The following ZP2 variants were observed in gnomAD, a reference collection of about 807,000 sequenced individuals.
The protein encoded by ZP2 is zona pellucida sperm-binding protein 2.
In ZP2, 51 loss-of-function variants were observed where a neutral mutation model predicts 84.0. The ratio of observed to expected loss-of-function variants is 0.61; its 90% CI spans 0.49 to 0.77. The LOEUF (loss-of-function observed/expected upper bound fraction) is 0.77, where lower values mean the gene tolerates loss of function less well. Ranked by LOEUF, ZP2 falls within the 30% of genes least tolerant of loss-of-function variation. The pLI is 0.00. For missense variants in ZP2, 909 were observed against 911.9 expected (o/e 1.00, Z 0.04); for synonymous variants, 375 against 330.9 (o/e 1.13, Z -1.45).
chr16:21,208,287 G>T (rs202178390), intron 4 of ZP2, among the ~76,000 whole-genome samples: 33 of 152,272 alleles, frequency 2.2e-4, no homozygotes, highest in Non-Finnish European at 3.4e-4. Context: ...AAGGGAATGC[G>T]ACTCCAAGAC....
At chr16:21,202,550 A>G (rs905503095) in intron 10 of ZP2, among the ~76,000 whole-genome samples, 1 of 152,192 alleles carries the variant, frequency 6.6e-6, no homozygotes, top group Non-Finnish European at 1.5e-5. Flanking sequence ...TATATGGTAT[A>G]AGACCAGTGA....
chr16:21,197,909 C>CCCCTGAGGGTGTG, intron 17 of ZP2, 60 bp from the exon 18 acceptor site: 1 of 1,535,662 alleles, frequency 6.5e-7, no homozygotes, highest in Non-Finnish European at 9.0e-7. Flanking sequence ...GGTTAGCTGT[C>CCCCTGAGGGTGTG]CCCTGAGGGT....
Position 21,201,494 on chromosome 16 carries a change from T to A in ZP2, c.1569A>T (p.Pro523=), listed in dbSNP as rs756084938. ...TTAGGACTCTCACTTCCATGTAAAT[T>A]GGTTGGCGGAGGAATCTCACTAGAG... ...EYPLVRFLRQ[P]IYMEVRVLNR... The change falls in exon 14 of 19, where the codon CCA becomes CCT. Residue 523 remains proline, a synonymous_variant. Coordinates refer to ENST00000574091, the MANE Select transcript of ZP2 (RefSeq NM_001376232.1). 2 of 1,613,704 alleles carry A rather than the reference T, an allele frequency of 1.2e-6. No individual in the cohort carries two copies. The highest frequency in any genetic ancestry group is 2.2e-5 in the South Asian group (2 of 90,926).
Position 21,210,195 on chromosome 16 carries a change from A to G in ZP2, c.152-3T>C, listed in dbSNP as rs1335331894. 1.2e-6 allele frequency: 2 copies of G among 1,613,526 alleles called. No individual in the cohort carries two copies. Among genetic ancestry groups the G allele is most frequent in the Non-Finnish European group, 1.7e-6 (2 of 1,179,644 alleles). ...CCTTTCATCGCAAGTGACAGTGCCTAAGGAGCAAAGGAAGCATTTGGGGGC... is the reference window on the plus strand; with the variant it reads ...CCTTTCATCGCAAGTGACAGTGCCTGAGGAGCAAAGGAAGCATTTGGGGGC... On this transcript the variant is annotated splice_polypyrimidine_tract_variant and splice_region_variant and intron_variant, in intron 2 of 18. Transcript: ENST00000574091.
upstream of ZP2, among the ~76,000 whole-genome samples, chr16:21,213,655 C>T (rs1010046432): frequency 2.0e-5 from 3 of 152,032 alleles, no homozygotes; most frequent in African/African-American, 7.2e-5. Context: ...GGGAGCGAGG[C>T]GAGAAAATCT....
chr16:21,198,967 T>G, intron 16 of ZP2, 105 bp from the exon 17 acceptor site: 1 of 1,074,290 alleles, frequency 9.3e-7, no homozygotes, highest in Non-Finnish European at 1.4e-6. Context: ...ATTTTGTTCA[T>G]GTGGTTTGTC....
upstream of ZP2, among the ~76,000 whole-genome samples, chr16:21,212,399 C>G (rs1225745075): frequency 6.6e-6 from 1 of 152,214 alleles, no homozygotes. Context: ...GCAAAAGTCA[C>G]TCATAATAGT....
Position 21,197,595 on chromosome 16 carries a change from G to C in ZP2, c.2123C>G (p.Thr708Ser). The change falls in exon 19 of 19, where the codon ACT (threonine) becomes AGT (serine). Residue 708 changes from threonine to serine, a missense_variant. Thr to Ser is a moderately conservative substitution (Grantham distance 58). Coordinates refer to ENST00000574091, the MANE Select transcript of ZP2 (RefSeq NM_001376232.1). ...AGCTTTGGAACCAACATCTCCAGCA[G>C]TCTTGTGCCCTTTGGTGTCCATAGC... ...RGAMDTKGHK[T>S]AGDVGSKAVA... 1 of 1,614,206 alleles carries C rather than the reference G, an allele frequency of 6.2e-7. No individual in the cohort carries two copies. Among genetic ancestry groups the C allele is most frequent in the Admixed American group, 1.7e-5 (1 of 60,026 alleles).
At chr16:21,206,498 A>G (rs775533891) in intron 5 of ZP2, among the ~76,000 whole-genome samples, 1 of 152,220 alleles carries the variant, frequency 6.6e-6, no homozygotes, top group Non-Finnish European at 1.5e-5. Context: ...ATTGTATCTT[A>G]GCATCTAGGG....
intron 2 of ZP2, among the ~76,000 whole-genome samples, 189 bp from the exon 3 acceptor site, chr16:21,210,381 A>G (rs1041126219): frequency 2.0e-5 from 3 of 152,104 alleles, no homozygotes; most frequent in African/African-American, 4.8e-5. Flanking sequence ...TAAGGAAAAT[A>G]TCAGGTACCC....
rs747040301 is a variant in ZP2, at chr16:21,205,559, C to T, written c.554G>A (p.Ser185Asn). 1.6e-5 allele frequency: 26 copies of T among 1,613,998 alleles called. 1 individual carries two copies. The South Asian group carries it at 2.4e-4, about 15-fold the overall frequency. Residue 185 changes from serine to asparagine, a missense_variant, in exon 7 of 19, where the codon AGC (serine) becomes AAC (asparagine). By Grantham distance (46) the Ser-to-Asn change is conservative. Transcript: ENST00000574091. ...SKGTKVQMGW[S>N]IEVGDGARAK... Reference sequence around the variant, plus strand: ...TCTTGCACCATCACCAACCTCAATGCTCCATCCCATCTGAACTTTGGTCCC... The same window carrying T: ...TCTTGCACCATCACCAACCTCAATGTTCCATCCCATCTGAACTTTGGTCCC...
At position 21,206,860 on chromosome 16, in the gene ZP2, A is replaced by T. The variant is rs765106093; in HGVS notation, c.461T>A (p.Ile154Asn). 5 of 1,614,140 alleles carry T rather than the reference A, an allele frequency of 3.1e-6. No individual in the cohort carries two copies. Among genetic ancestry groups the T allele is most frequent in the Non-Finnish European group, 4.2e-6 (5 of 1,180,012 alleles). The change falls in exon 5 of 19, where the codon ATC becomes AAC. Residue 154 changes from isoleucine to asparagine, a missense_variant. Physicochemically the swap from Ile to Asn is moderately radical, Grantham distance 149. Coordinates refer to ENST00000574091, the MANE Select transcript of ZP2 (RefSeq NM_001376232.1). Reference sequence around the variant, plus strand: ...CACAGACATGAAATCCTTCTGGCAGATTGTAGATGCTGAAAGCCCCTGGGT... The same window carrying T: ...CACAGACATGAAATCCTTCTGGCAGTTTGTAGATGCTGAAAGCCCCTGGGT... ...EETQGLSAST[I>N]CQKDFMSFSL...
chr16:21,211,874 C>G (rs113776189), upstream of ZP2: 742 of 936,798 alleles, frequency 7.9e-4, 1 homozygote, highest in African/African-American at 0.011. Flanking sequence ...AATGTAGAGC[C>G]AAAGAGAATC....
At position 21,209,644 on chromosome 16, in the gene ZP2, C is replaced by G; in HGVS notation, c.317G>C (p.Cys106Ser). 6.2e-7 allele frequency: 1 copy of G among 1,614,132 alleles called. No individual in the cohort carries two copies. Among genetic ancestry groups the G allele is most frequent in the Non-Finnish European group, 8.5e-7 (1 of 1,179,960 alleles). The change falls in exon 4 of 19, where the codon TGT (cysteine) becomes TCT (serine). Residue 106 changes from cysteine to serine, a missense_variant. By Grantham distance (112) the Cys-to-Ser change is moderately radical. Transcript: ENST00000574091. Reference protein sequence around the residue: ...KLTLRATYDNCTRRVHGGHQM... With the variant: ...KLTLRATYDNSTRRVHGGHQM... ...GCAATGACTTACCACTCTCCTGGTA[C>G]AGTTATCATAGGTAGCCCTCAGGGT...
At chr16:21,201,633 G>T in intron 13 of ZP2, 73 bp downstream of exon 13, 2 of 1,610,004 alleles carry the variant, frequency 1.2e-6, no homozygotes, top group Non-Finnish European at 1.7e-6. Context: ...CATTAGTCTG[G>T]CAGTATCAGG....
In ZP2 at chr16:21,201,426, C is replaced by T. The variant is rs1169033806; in HGVS notation, c.1637G>A (p.Trp546Ter). Residue 546 changes from tryptophan to a stop codon, truncating the protein, a stop_gained, in exon 14 of 19, where the codon TGG (tryptophan) becomes TAG (stop). Transcript: ENST00000574091. LOFTEE classifies it high-confidence loss of function. ...PNIKLVLDDC[W>*]ATSTMDPDSF... ...GTCTGGATCCATGGTGGACGTCGCC[C>T]AGCAGTCATCTAAGACCAGCTTGAT... 1.2e-6 allele frequency: 2 copies of T among 1,610,946 alleles called. No homozygotes were observed. The highest frequency in any genetic ancestry group is 4.5e-5 in the East Asian group (2 of 44,834).
upstream of ZP2, among the ~76,000 whole-genome samples, chr16:21,213,415 G>A (rs898347203): frequency 1.1e-4 from 17 of 152,206 alleles, no homozygotes; most frequent in African/African-American, 3.1e-4. Context: ...TGATTCATGT[G>A]TTGCCTTTGA....
chr16:21,201,040 A>G (rs2093222484), intron 14 of ZP2, among the ~76,000 whole-genome samples: 1 of 152,176 alleles, frequency 6.6e-6, no homozygotes, highest in South Asian at 2.1e-4. Context: ...CTCTACTAAG[A>G]TAGCAAAAAT....
chr16:21,203,292 G>T, intron 9 of ZP2, 41 bp from the exon 10 acceptor site: 1 of 1,608,396 alleles, frequency 6.2e-7, no homozygotes, highest in Non-Finnish European at 8.5e-7. Flanking sequence ...CAGTCCGTTG[G>T]GGCCCGGAAC....
Sources: gnomAD v4.1 joint callset for allele counts (sites outside exome capture counted in the v4.1 genomes callset) on GRCh38, gnomAD v4.1.1 for gene constraint, MANE v1.5 for transcripts, NCBI Gene and HGNC (gene_info 2026-07-23, HGNC 2026-07-21) for gene names.